ITGA11: variants seen among roughly 807,000 people sequenced by gnomAD.
ITGA11 encodes integrin alpha-11.
Under a neutral mutation model 141.9 loss-of-function variants are expected in ITGA11, and 97 were observed. The observed-to-expected ratio is 0.68, with a 90% CI of 0.58 to 0.81. The LOEUF (loss-of-function observed/expected upper bound fraction) is 0.81. ITGA11 is among the 30% of genes least tolerant of loss of function. The pLI is 0.00. For synonymous variants in ITGA11, 658 were observed against 624.6 expected, an observed-to-expected ratio of 1.05 and a Z score of -0.80; for missense variants, 1,387 against 1,559.2, an observed-to-expected ratio of 0.89 and a Z score of 1.86.
intron 12 of ITGA11, among the ~76,000 whole-genome samples, chr15:68,334,809 C>T (rs1410446436): frequency 1.3e-5 from 2 of 152,154 alleles, no homozygotes; most frequent in African/African-American, 4.8e-5. Flanking sequence ...CAGCAAATTC[C>T]CTCCAGCTCT....
intron 3 of ITGA11, 103 bp from the exon 4 acceptor site, chr15:68,364,901 T>C (rs1895368587): frequency 5.3e-6 from 6 of 1,138,394 alleles, no homozygotes; most frequent in Non-Finnish European, 7.8e-6. Context: ...CGATTCTCCC[T>C]GACCCTGGGG....
At chr15:68,401,152 A>G (rs1182223282) in intron 2 of ITGA11, among the ~76,000 whole-genome samples, 1 of 151,046 alleles carries the variant, frequency 6.6e-6, no homozygotes, top group East Asian at 1.9e-4. Flanking sequence ...TAAACCCACC[A>G]TGAGATACCA....
At chr15:68,344,078 G>C (rs949486650) in intron 10 of ITGA11, among the ~76,000 whole-genome samples, 1 of 152,126 alleles carries the variant, frequency 6.6e-6, no homozygotes, top group Non-Finnish European at 1.5e-5. Context: ...TGGGCACTAG[G>C]GCACAGCCTG....
chr15:68,407,768 G>A (rs1896682890), intron 1 of ITGA11, among the ~76,000 whole-genome samples: 1 of 152,206 alleles, frequency 6.6e-6, no homozygotes, highest in Non-Finnish European at 1.5e-5. Context: ...GTCTCAAGAA[G>A]GGACGGAAAC....
intron 13 of ITGA11, 120 bp from the exon 14 acceptor site, chr15:68,332,182 C>G (rs1054506804): frequency 8.1e-7 from 1 of 1,237,556 alleles, no homozygotes; most frequent in Non-Finnish European, 1.1e-6. Context: ...AACCCCGTCT[C>G]TGGCTATATG....
intron 15 of ITGA11, among the ~76,000 whole-genome samples, chr15:68,329,751 G>GCCA (rs971009284): frequency 1.3e-5 from 2 of 152,114 alleles, no homozygotes; most frequent in Admixed American, 6.5e-5. Flanking sequence ...TGCTGTTGCT[G>GCCA]CCACCACCAC....
chr15:68,361,577 T>C lies in ITGA11; in HGVS notation c.472+13A>G. The C allele has an allele frequency of 6.4e-7, 1 of 1,569,910 alleles. No homozygotes were observed. The highest frequency in any genetic ancestry group is 8.7e-7 in the Non-Finnish European group (1 of 1,150,664). ...ACTGCTCAGCTTGAGGTTGCAGATT[T>C]GAAGCCACTTACTTTGGAGAGCTGG... On this transcript the variant is annotated intron_variant, in intron 5 of 29. Transcript: ENST00000315757.
At chr15:68,320,486 G>A (rs188177867) in intron 19 of ITGA11, 94 bp from the exon 20 acceptor site, 24 of 992,164 alleles carry the variant, frequency 2.4e-5, no homozygotes, top group Admixed American at 2.0e-4. Flanking sequence ...GGTGGGTCTG[G>A]GCACTTGACT....
chr15:68,391,774 T>C (rs1896127529), intron 2 of ITGA11, among the ~76,000 whole-genome samples: 1 of 152,264 alleles, frequency 6.6e-6, no homozygotes, highest in South Asian at 2.1e-4. Flanking sequence ...GTATTAATGT[T>C]GCCTCCCTAA....
At chr15:68,384,970 T>C (rs543337434) in intron 2 of ITGA11, among the ~76,000 whole-genome samples, 1 of 152,306 alleles carries the variant, frequency 6.6e-6, no homozygotes, top group East Asian at 1.9e-4. Context: ...GGCCCTTTCC[T>C]CAAAACCTGT....
At position 68,354,618 on chromosome 15, in the gene ITGA11, C is replaced by T. The variant is rs192584368; in HGVS notation, c.749+2533G>A. 3.1e-3 allele frequency among the ~76,000 whole-genome samples: 465 copies of T among 152,302 alleles called. 7 individuals are homozygous for T. The highest frequency in any genetic ancestry group is 0.01 in the African/African-American group (431 of 41,568). On this transcript the variant is annotated intron_variant, in intron 7 of 29. Transcript: ENST00000315757. ...TCAGGGTGGAATGTCTTGTGTGGCA[C>T]GTCTTCTGTTCACCTCTTTTTGTTG... is the stretch of plus-strand genomic sequence containing the variant.
At chr15:68,331,642 G>C (rs1424115949) in intron 14 of ITGA11, among the ~76,000 whole-genome samples, 1 of 151,948 alleles carries the variant, frequency 6.6e-6, no homozygotes, top group Non-Finnish European at 1.5e-5. Flanking sequence ...GGTAAGCAGG[G>C]AGAGAGTGCC....
intron 15 of ITGA11, among the ~76,000 whole-genome samples, chr15:68,329,562 C>T (rs937779058): frequency 3.3e-5 from 5 of 152,158 alleles, no homozygotes; most frequent in African/African-American, 7.2e-5. Flanking sequence ...TCTGTGAGAC[C>T]GATTCTCTTG....
rs72741168 is a variant in ITGA11, at chr15:68,321,228, A to G, written c.2408+190T>C. 0.26 allele frequency among the ~76,000 whole-genome samples: 39,108 copies of G among 151,522 alleles called. 6,258 individuals are homozygous for G. The highest frequency in any genetic ancestry group is 0.46 in the African/African-American group (18,882 of 41,148). ...TAGACTAGTAGTTTCATATTACAGA[A>G]GAGACTTTCCTGAGGTTATGCAGGA... On this transcript the variant is annotated intron_variant, in intron 19 of 29. Transcript: ENST00000315757. The surrounding 1 kb of genome is among the most constrained non-coding windows in gnomAD (Gnocchi z 4.9).
chr15:68,347,683 C>A (rs544580865), intron 10 of ITGA11, among the ~76,000 whole-genome samples: 1 of 152,056 alleles, frequency 6.6e-6, no homozygotes, highest in Non-Finnish European at 1.5e-5. Flanking sequence ...GGAAAGAGCA[C>A]GAGACTAATA....
intron 10 of ITGA11, among the ~76,000 whole-genome samples, chr15:68,343,910 T>G (rs1894651393): frequency 6.6e-6 from 1 of 152,138 alleles, no homozygotes; most frequent in African/African-American, 2.4e-5. Flanking sequence ...CCCTCTGCCT[T>G]TCTGTGGAGG....
chr15:68,391,099 G>A (rs984261605), intron 2 of ITGA11, among the ~76,000 whole-genome samples: 1 of 152,198 alleles, frequency 6.6e-6, no homozygotes, highest in African/African-American at 2.4e-5. Context: ...GAGGAAGCAG[G>A]GAGGGGAAAG....
chr15:68,410,899 G>T (rs966554785), intron 1 of ITGA11, among the ~76,000 whole-genome samples: 1 of 152,192 alleles, frequency 6.6e-6, no homozygotes, highest in Non-Finnish European at 1.5e-5. Context: ...CTCTGACTCT[G>T]GGGAGAAGCA....
chr15:68,402,376 T>G (rs1896533044), intron 2 of ITGA11, among the ~76,000 whole-genome samples: 1 of 151,846 alleles, frequency 6.6e-6, no homozygotes, highest in South Asian at 2.1e-4. Context: ...TTGAAATGAG[T>G]GAGTTAGATG....
Sources: gnomAD v4.1 joint callset for allele counts (sites outside exome capture counted in the v4.1 genomes callset) on GRCh38, gnomAD v4.1.1 for gene constraint, Gnocchi (gnomAD v3.1) non-coding constraint, MANE v1.5 for transcripts, NCBI Gene and HGNC (gene_info 2026-07-23, HGNC 2026-07-21) for gene names.